The following DRC11 variants were observed in gnomAD, a reference collection of about 807,000 sequenced individuals.
DRC11 encodes the protein IQ and AAA domain-containing protein 1.
chr2:236,438,733 A>G, the DRC11 span, among the ~76,000 whole-genome samples: 17 of 152,118 alleles, frequency 1.1e-4, no homozygotes, highest in South Asian at 2.1e-4. Flanking sequence ...AGACATCTAC[A>G]GAACTCTCCA....
the DRC11 span, among the ~76,000 whole-genome samples, chr2:236,344,076 G>C: frequency 6.6e-6 from 1 of 151,438 alleles, no homozygotes; most frequent in Admixed American, 6.6e-5. Context: ...AAGTGGTGGA[G>C]GAGGGGGACC....
chr2:236,325,385 T>C, the DRC11 span, among the ~76,000 whole-genome samples: 2 of 152,356 alleles, frequency 1.3e-5, no homozygotes, highest in Admixed American at 1.3e-4. This position sits in a 1 kb window ranked among gnomAD's most constrained non-coding sequence, Gnocchi z 4.4. Flanking sequence ...TTAATGGATA[T>C]ATGACATTTG....
chr2:236,324,731 C>A, the DRC11 span: 1 of 1,605,462 alleles, frequency 6.2e-7, no homozygotes, highest in Non-Finnish European at 8.5e-7. This position sits in a 1 kb window ranked among gnomAD's most constrained non-coding sequence, Gnocchi z 5.7. Context: ...TGTGCTGCCT[C>A]CTGTTATCGC....
the DRC11 span, among the ~76,000 whole-genome samples, chr2:236,437,967 T>G: frequency 2.2e-5 from 3 of 138,550 alleles, no homozygotes; most frequent in Admixed American, 2.2e-4. Context: ...TTTGTCAATT[T>G]TGGCTTTGGT....
At chr2:236,315,690 C>T in the DRC11 span, among the ~76,000 whole-genome samples, 1 of 152,116 alleles carries the variant, frequency 6.6e-6, no homozygotes, top group Non-Finnish European at 1.5e-5. This position sits in a 1 kb window ranked among gnomAD's most constrained non-coding sequence, Gnocchi z 5.1. Context: ...GGAATGAGAT[C>T]ATGTCCTTTG....
At chr2:236,436,867 G>A in the DRC11 span, among the ~76,000 whole-genome samples, 1 of 151,746 alleles carries the variant, frequency 6.6e-6, no homozygotes, top group African/African-American at 2.4e-5. Context: ...CCAACATTGT[G>A]GTATTTTGGC....
the DRC11 span, among the ~76,000 whole-genome samples, chr2:236,413,983 T>A: frequency 4.1e-4 from 63 of 152,328 alleles, no homozygotes; most frequent in African/African-American, 1.3e-3. The surrounding 1 kb of genome is among the most constrained non-coding windows in gnomAD (Gnocchi z 4.0). Context: ...GCAGAAAATG[T>A]CCTCCTGGCA....
the DRC11 span, among the ~76,000 whole-genome samples, chr2:236,456,358 G>C: frequency 3.2e-3 from 481 of 152,276 alleles, 3 homozygotes; most frequent in African/African-American, 0.011. The surrounding 1 kb of genome is among the most constrained non-coding windows in gnomAD (Gnocchi z 5.4). Context: ...ATAGAGCCGG[G>C]ATTTGAACCC....
chr2:236,429,644 C>A, the DRC11 span, among the ~76,000 whole-genome samples: 4 of 152,046 alleles, frequency 2.6e-5, no homozygotes, highest in Middle Eastern at 3.4e-3. The surrounding 1 kb of genome is among the most constrained non-coding windows in gnomAD (Gnocchi z 5.9). Context: ...GCCCAGAGAA[C>A]CTGTGGAGGC....
chr2:236,425,387 G>A, the DRC11 span, among the ~76,000 whole-genome samples: 16 of 151,718 alleles, frequency 1.1e-4, no homozygotes, highest in Non-Finnish European at 1.0e-4. Flanking sequence ...TTTAATTTGC[G>A]TATGTCTGTT....
the DRC11 span, among the ~76,000 whole-genome samples, chr2:236,484,727 T>C: frequency 6.6e-6 from 1 of 152,188 alleles, no homozygotes; most frequent in Non-Finnish European, 1.5e-5. Flanking sequence ...TCCCTGAGAC[T>C]GTACTTGCCC....
the DRC11 span, among the ~76,000 whole-genome samples, chr2:236,367,042 G>A: frequency 1.4e-5 from 2 of 143,444 alleles, no homozygotes; most frequent in African/African-American, 5.2e-5. This position sits in a 1 kb window ranked among gnomAD's most constrained non-coding sequence, Gnocchi z 4.8. Flanking sequence ...GGCTGCTCTC[G>A]AACTCGACCT....
chr2:236,356,589 T>C, the DRC11 span, among the ~76,000 whole-genome samples: 5 of 152,154 alleles, frequency 3.3e-5, no homozygotes, highest in African/African-American at 4.8e-5. Flanking sequence ...GCACTCTGAG[T>C]GTCACTTTTC....
At chr2:236,463,057 C>G in the DRC11 span, among the ~76,000 whole-genome samples, 2 of 152,026 alleles carry the variant, frequency 1.3e-5, no homozygotes, top group East Asian at 1.9e-4. This position sits in a 1 kb window ranked among gnomAD's most constrained non-coding sequence, Gnocchi z 5.0. Flanking sequence ...CACGGGAAAA[C>G]TGGGTTTTGG....
chr2:236,372,283 T>C, the DRC11 span, among the ~76,000 whole-genome samples: 1 of 152,224 alleles, frequency 6.6e-6, no homozygotes, highest in Non-Finnish European at 1.5e-5. This position sits in a 1 kb window ranked among gnomAD's most constrained non-coding sequence, Gnocchi z 4.5. Context: ...CCGAAAAATA[T>C]CAAATCCTAG....
the DRC11 span, among the ~76,000 whole-genome samples, chr2:236,476,193 C>A: frequency 1.3e-5 from 2 of 152,188 alleles, no homozygotes; most frequent in Admixed American, 6.5e-5. The surrounding 1 kb of genome is among the most constrained non-coding windows in gnomAD (Gnocchi z 4.7). Flanking sequence ...TTCTTCCAAT[C>A]CATGAGCATG....
chr2:236,324,631 C>T, the DRC11 span: 1 of 1,021,910 alleles, frequency 9.8e-7, no homozygotes, highest in East Asian at 2.6e-5. The surrounding 1 kb of genome is among the most constrained non-coding windows in gnomAD (Gnocchi z 5.7). Context: ...CAGAGAGACT[C>T]AAGCATGGTT....
At chr2:236,497,674 T>C in the DRC11 span, among the ~76,000 whole-genome samples, 2 of 152,358 alleles carry the variant, frequency 1.3e-5, no homozygotes, top group East Asian at 1.9e-4. This position sits in a 1 kb window ranked among gnomAD's most constrained non-coding sequence, Gnocchi z 5.1. Flanking sequence ...TTTCTGAATA[T>C]GTACCACCAC....
At chr2:236,328,502 C>A in the DRC11 span, among the ~76,000 whole-genome samples, 1 of 152,050 alleles carries the variant, frequency 6.6e-6, no homozygotes, top group East Asian at 1.9e-4. This position sits in a 1 kb window ranked among gnomAD's most constrained non-coding sequence, Gnocchi z 6.7. Context: ...ATAAAGTGTT[C>A]CAACTTTGTG....
Sources: gnomAD v4.1 joint callset for allele counts (sites outside exome capture counted in the v4.1 genomes callset) on GRCh38, gnomAD v4.1.1 for gene constraint, Gnocchi (gnomAD v3.1) non-coding constraint, MANE v1.5 for transcripts, NCBI Gene and HGNC (gene_info 2026-07-23, HGNC 2026-07-21) for gene names.